Variants in RNF220 observed in about 807,000 individuals in gnomAD.
The protein encoded by RNF220 is E3 ubiquitin-protein ligase RNF220.
RNF220 carries 7 observed loss-of-function variants against 67.1 expected under a neutral mutation model. That is an observed-to-expected ratio of 0.10 (90% CI 0.06 to 0.20). The LOEUF (loss-of-function observed/expected upper bound fraction) is 0.20. Ranked by LOEUF, RNF220 falls within the 10% of genes least tolerant of loss-of-function variation. RNF220 has a pLI of 1.00. For synonymous variants in RNF220, 270 were observed against 283.2 expected, an observed-to-expected ratio of 0.95 and a Z score of 0.47; for missense variants, 565 against 740.3, an observed-to-expected ratio of 0.76 and a Z score of 2.75.
intron 2 of RNF220, among the ~76,000 whole-genome samples, chr1:44,435,783 A>T (rs1376194675): frequency 1.3e-5 from 2 of 152,114 alleles, no homozygotes; most frequent in East Asian, 3.9e-4. Context: ...TATAAAAATT[A>T]TCCGGGCATG....
chr1:44,500,510 C>T (rs1052386367), intron 2 of RNF220, among the ~76,000 whole-genome samples: 3 of 152,188 alleles, frequency 2.0e-5, no homozygotes, highest in Non-Finnish European at 4.4e-5. Flanking sequence ...TCTGTCTCAC[C>T]CACTGGAATG....
At chr1:44,635,767 G>A in intron 7 of RNF220, 179 bp downstream of exon 7, 1 of 1,427,178 alleles carries the variant, frequency 7.0e-7, no homozygotes, top group Non-Finnish European at 9.3e-7. Flanking sequence ...TCTCCATGTG[G>A]TCTCAGCAGC....
At chr1:44,421,991 T>C (rs2147837945) in intron 2 of RNF220, among the ~76,000 whole-genome samples, 1 of 152,290 alleles carries the variant, frequency 6.6e-6, no homozygotes, top group South Asian at 2.1e-4. Flanking sequence ...CATGGCTCCA[T>C]TTAAAGGAAG....
chr1:44,422,772 C>G (rs1402603261), intron 2 of RNF220, among the ~76,000 whole-genome samples: 3 of 152,146 alleles, frequency 2.0e-5, no homozygotes, highest in Non-Finnish European at 4.4e-5. Context: ...GGAGTCTGTA[C>G]TGGGGTGCTG....
chr1:44,482,504 TAGAAATCTTTCTG>T, intron 2 of RNF220, among the ~76,000 whole-genome samples: 1 of 152,368 alleles, frequency 6.6e-6, no homozygotes, highest in South Asian at 2.1e-4. Flanking sequence ...TCAGTGGAGC[TAGAAATCTTTCTG>T]TAGGAAGAAA....
At chr1:44,587,679 G>A (rs1665809619) in intron 2 of RNF220, among the ~76,000 whole-genome samples, 1 of 152,178 alleles carries the variant, frequency 6.6e-6, no homozygotes, top group Non-Finnish European at 1.5e-5. Context: ...TTCTCTGTAG[G>A]GCTGGTTCTC....
At chr1:44,567,930 C>T (rs2148309124) in intron 2 of RNF220, among the ~76,000 whole-genome samples, 1 of 152,284 alleles carries the variant, frequency 6.6e-6, no homozygotes, top group South Asian at 2.1e-4. Context: ...CCTGGAGGTT[C>T]CCATTGACCC....
At position 44,412,534 on chromosome 1, in the gene RNF220, A is replaced by G. The variant is rs1463261118; in HGVS notation, c.437A>G (p.His146Arg). The G allele has an allele frequency of 2.5e-6, 4 of 1,614,156 alleles. No individual in the cohort carries two copies. The highest frequency in any genetic ancestry group is 2.7e-5 in the African/African-American group (2 of 75,018). The change falls in exon 2 of 15, where the codon CAT (histidine) becomes CGT (arginine). Residue 146 changes from histidine to arginine, a missense_variant. By Grantham distance (29) the His-to-Arg change is conservative. Coordinates refer to ENST00000361799, the MANE Select transcript of RNF220 (RefSeq NM_018150.4). This position sits in a 1 kb window ranked among gnomAD's most constrained non-coding sequence, Gnocchi z 5.3. ...FTPAKRLKNC[H>R]DTESPHLRFS... ...CCGGCCAAGCGACTTAAGAACTGCC[A>G]TGACACAGAGTCTCCCCACTTGCGC...
chr1:44,484,934 G>A (rs1349593037), intron 2 of RNF220, among the ~76,000 whole-genome samples: 1 of 152,156 alleles, frequency 6.6e-6, no homozygotes, highest in Non-Finnish European at 1.5e-5. Flanking sequence ...ACAAGGTCAG[G>A]AGATCGAGGC....
chr1:44,526,981 T>C (rs1216903098), intron 2 of RNF220, among the ~76,000 whole-genome samples: 2 of 152,018 alleles, frequency 1.3e-5, no homozygotes, highest in East Asian at 3.9e-4. Context: ...AGCTTCTGCT[T>C]GATGTGCCCC....
chr1:44,517,322 C>T (rs142331669), intron 2 of RNF220, among the ~76,000 whole-genome samples: 364 of 152,258 alleles, frequency 2.4e-3, no homozygotes, highest in African/African-American at 7.9e-3. Context: ...CATCTCTCCT[C>T]GGGGTCTTTC....
At chr1:44,406,588 G>A (rs1647352382) in intron 1 of RNF220, among the ~76,000 whole-genome samples, 1 of 152,232 alleles carries the variant, frequency 6.6e-6, no homozygotes, top group African/African-American at 2.4e-5. Flanking sequence ...GCGGTCCTGC[G>A]GCCACTGCCG....
chr1:44,548,608 C>T (rs1662365796), intron 2 of RNF220, among the ~76,000 whole-genome samples: 1 of 152,158 alleles, frequency 6.6e-6, no homozygotes, highest in Admixed American at 6.6e-5. Context: ...ATCCTCTTAC[C>T]TCAGCCTCCC....
intron 1 of RNF220, among the ~76,000 whole-genome samples, chr1:44,407,502 C>T (rs1188509464): frequency 1.3e-5 from 2 of 152,032 alleles, no homozygotes; most frequent in South Asian, 4.1e-4. Context: ...CGCAGAGACC[C>T]GGCAAAAGTG....
intron 2 of RNF220, among the ~76,000 whole-genome samples, chr1:44,530,886 C>T (rs111908716): frequency 0.029 from 4,487 of 152,132 alleles, 228 homozygotes; most frequent in African/African-American, 0.1. Flanking sequence ...TCATTTGAAC[C>T]CAGGAGGCAG....
At chr1:44,496,448 C>G (rs1657353710) in intron 2 of RNF220, among the ~76,000 whole-genome samples, 1 of 152,182 alleles carries the variant, frequency 6.6e-6, no homozygotes, top group Non-Finnish European at 1.5e-5. Context: ...AAGCCCTGCT[C>G]TGAACAGCTT....
chr1:44,459,158 A>T (rs1557945777), intron 2 of RNF220, among the ~76,000 whole-genome samples: 1 of 151,846 alleles, frequency 6.6e-6, no homozygotes, highest in Non-Finnish European at 1.5e-5. Context: ...TAAATTTCTG[A>T]CTTTTACCAT....
intron 4 of RNF220, among the ~76,000 whole-genome samples, chr1:44,626,083 G>T (rs3850852): frequency 6.6e-6 from 1 of 151,922 alleles, no homozygotes; most frequent in Non-Finnish European, 1.5e-5. Flanking sequence ...GTCCCTCAAG[G>T]GGTCTCTACC....
Position 44,580,904 on chromosome 1 carries a change from G to A in RNF220, c.626-33261G>A, listed in dbSNP as rs1030450160. Among the ~76,000 whole-genome samples, 7 of 152,350 alleles carry A rather than the reference G, an allele frequency of 4.6e-5. 1 individual carries two copies. In the South Asian group the frequency reaches 1.4e-3, roughly 32 times the overall value. ...TGCCTAGGGCCTGTGTCCATTCGCT[G>A]TGTGGCCGCCTTCTCCAGGCCTTGC... On this transcript the variant is annotated intron_variant, in intron 2 of 14. Transcript: ENST00000361799.
Sources: gnomAD v4.1 joint callset for allele counts (sites outside exome capture counted in the v4.1 genomes callset) on GRCh38, gnomAD v4.1.1 for gene constraint, Gnocchi (gnomAD v3.1) non-coding constraint, MANE v1.5 for transcripts, NCBI Gene and HGNC (gene_info 2026-07-23, HGNC 2026-07-21) for gene names.